The following DAGLB variants were observed in gnomAD, a reference collection of about 807,000 sequenced individuals.
DAGLB encodes diacylglycerol lipase beta.
A neutral mutation model predicts 72.1 loss-of-function variants in DAGLB; 66 were observed. The observed-to-expected ratio is 0.92, with a 90% CI of 0.75 to 1.12. DAGLB has a LOEUF of 1.12. Ranked by LOEUF, DAGLB falls within the 50% of genes most tolerant of loss-of-function variation. DAGLB has a pLI of 0.00. For synonymous variants in DAGLB, 414 were observed against 359.5 expected (o/e 1.15, Z -1.71); for missense variants, 1,065 against 884.9 (o/e 1.20, Z -2.58).
At position 6,435,057 on chromosome 7, in the gene DAGLB, G is replaced by A. The variant is rs190905046; in HGVS notation, c.420-37C>T. On this transcript the variant is annotated intron_variant, in intron 3 of 14. Coordinates refer to ENST00000297056, the MANE Select transcript of DAGLB (RefSeq NM_139179.4). ...AGAGAGGAAAAGGCTCGGTGACTGC[G>A]GGCCCCAGCCCAGACGCAGATGTCC... 119 of 1,604,864 alleles carry A rather than the reference G, an allele frequency of 7.4e-5. 4 individuals carry two copies. The highest frequency in any genetic ancestry group is 5.7e-4 in the African/African-American group (43 of 74,784).
intron 2 of DAGLB, among the ~76,000 whole-genome samples, chr7:6,441,900 C>A (rs1269743779): frequency 1.3e-5 from 2 of 152,134 alleles, no homozygotes; most frequent in African/African-American, 4.8e-5. Flanking sequence ...CGACTGAGTG[C>A]AGAAGCAAGA....
intron 13 of DAGLB, among the ~76,000 whole-genome samples, chr7:6,412,260 ACATATATCAC>A (rs1783754037): frequency 6.6e-6 from 1 of 152,150 alleles, no homozygotes; most frequent in Non-Finnish European, 1.5e-5. Context: ...CTTGACGTGG[ACATATATCAC>A]CATTTTAATA....
At chr7:6,412,918 T>TG in intron 12 of DAGLB, 35 bp from the exon 13 acceptor site, 1 of 1,612,482 alleles carries the variant, frequency 6.2e-7, no homozygotes, top group Non-Finnish European at 8.5e-7. Flanking sequence ...GGCTGGGACC[T>TG]GGCACTCCCA....
At position 6,409,815 on chromosome 7, in the gene DAGLB, G is replaced by A; in HGVS notation, c.*22C>T. 3.7e-6 allele frequency: 6 copies of A among 1,609,968 alleles called. No homozygotes were observed. Among genetic ancestry groups the A allele is most frequent in the Non-Finnish European group, 5.1e-6 (6 of 1,177,836 alleles). ...CAAAAGCGTGAGTCCATCGTTCCTG[G>A]GACAGTTTCCAGTGGCCCTGGTCAG... is the stretch of plus-strand genomic sequence containing the variant. On this transcript the variant is annotated 3_prime_UTR_variant, in exon 15 of 15. Transcript: ENST00000297056.
At chr7:6,418,821 C>T (rs1419200989) in intron 9 of DAGLB, among the ~76,000 whole-genome samples, 5 of 152,052 alleles carry the variant, frequency 3.3e-5, no homozygotes, top group Middle Eastern at 3.2e-3. Flanking sequence ...CCCGCCACCA[C>T]GCCCGGCTAA....
At position 6,430,560 on chromosome 7, in the gene DAGLB, C is replaced by G. The variant is rs542591056; in HGVS notation, c.849G>C (p.Gln283His). ...AELENCHHYM[Q>H]FAAAAYGWPL... ...GCCACCCATAGGCCGCTGCTGCAAACTGCATGTAATGATGGCAGTTTTCTA... is the reference window on the plus strand; with the variant it reads ...GCCACCCATAGGCCGCTGCTGCAAAGTGCATGTAATGATGGCAGTTTTCTA... Residue 283 changes from glutamine (Q) to histidine (H), a missense_variant, in exon 6 of 15, where the codon CAG becomes CAC. By Grantham distance (24) the Gln-to-His change is conservative. Transcript: ENST00000297056. The G allele has an allele frequency of 1.2e-6, 2 of 1,603,934 alleles. No individual in the cohort carries two copies. The highest frequency in any genetic ancestry group is 1.7e-6 in the Non-Finnish European group (2 of 1,173,238).
At chr7:6,440,324 C>A (rs919517718) in intron 2 of DAGLB, among the ~76,000 whole-genome samples, 1 of 151,220 alleles carries the variant, frequency 6.6e-6, no homozygotes, top group Non-Finnish European at 1.5e-5. Context: ...GCGGAGGTTG[C>A]GGTGAGCCGA....
intron 4 of DAGLB, among the ~76,000 whole-genome samples, chr7:6,433,568 G>T (rs960548643): frequency 6.6e-6 from 1 of 152,168 alleles, no homozygotes; most frequent in Non-Finnish European, 1.5e-5. Flanking sequence ...TGCCAGGTGC[G>T]ATGACTCACG....
intron 11 of DAGLB, among the ~76,000 whole-genome samples, chr7:6,414,143 T>C (rs924996673): frequency 7.2e-5 from 11 of 152,038 alleles, no homozygotes; most frequent in Non-Finnish European, 1.5e-4. Flanking sequence ...CCCAAGCAGC[T>C]GGGACTACAG....
At position 6,430,616 on chromosome 7, in the gene DAGLB, G is replaced by C; in HGVS notation, c.802-9C>G. On this transcript the variant is annotated splice_polypyrimidine_tract_variant and intron_variant, in intron 5 of 14. Coordinates refer to ENST00000297056, the MANE Select transcript of DAGLB (RefSeq NM_139179.4). ...GCATCCAGATCAGCTTCCTACAAGA[G>C]AAGGACAAAAACTACTGTTTATTAA... The C allele has an allele frequency of 6.3e-7, 1 of 1,579,460 alleles. No homozygotes were observed. Among genetic ancestry groups the C allele is most frequent in the Non-Finnish European group, 8.6e-7 (1 of 1,158,566 alleles).
chr7:6,411,432 G>A (rs977057531), intron 13 of DAGLB, among the ~76,000 whole-genome samples: 42 of 152,302 alleles, frequency 2.8e-4, no homozygotes, highest in African/African-American at 9.1e-4. Context: ...GACCAGCCTG[G>A]GCAACATGGT....
chr7:6,409,170 T>C lies in DAGLB; in HGVS notation c.*667A>G, dbSNP rs952433818. ...TTATTGTTTCAACTCCTGAATCCAC[T>C]GGCCGACCCCAGAGCCAGAAGAGTA... On this transcript the variant is annotated 3_prime_UTR_variant, in exon 15 of 15. Transcript: ENST00000297056. 1 of 153,908 alleles carries C rather than the reference T, an allele frequency of 6.5e-6. No individual in the cohort carries two copies. Among genetic ancestry groups the C allele is most frequent in the Admixed American group, 6.4e-5 (1 of 15,574 alleles). The allele number at this position is 153,908 out of a possible 1,614,324, so 9.5% of individuals were successfully genotyped here. A position where few individuals can be genotyped will look rare whatever the true frequency, so the allele number is the denominator to read the frequency against.
At chr7:6,437,382 A>G (rs1287079489) in intron 2 of DAGLB, among the ~76,000 whole-genome samples, 1 of 152,112 alleles carries the variant, frequency 6.6e-6, no homozygotes, top group East Asian at 1.9e-4. Flanking sequence ...TGGGTTAGTC[A>G]TTATCTCATT....
chr7:6,439,904 T>C (rs1469591917), intron 2 of DAGLB, among the ~76,000 whole-genome samples: 1 of 150,332 alleles, frequency 6.7e-6, no homozygotes, highest in Non-Finnish European at 1.5e-5. Flanking sequence ...ATACAAAAAT[T>C]AGCCAGGCAT....
intron 8 of DAGLB, 23 bp from the exon 9 acceptor site, chr7:6,421,827 G>T (rs747499056): frequency 1.2e-6 from 2 of 1,610,462 alleles, no homozygotes; most frequent in Non-Finnish European, 1.7e-6. Flanking sequence ...CGTTGCAGAA[G>T]CGGCCGTCAG....
In DAGLB at chr7:6,419,523, G is replaced by A. The variant is rs548847762; in HGVS notation, c.1218+2204C>T. Among the ~76,000 whole-genome samples the A allele has an allele frequency of 4.6e-5, 7 of 152,298 alleles. No homozygotes were observed. The South Asian group carries it at 8.3e-4, about 18-fold the overall frequency. On this transcript the variant is annotated intron_variant, in intron 9 of 14. Transcript: ENST00000297056. ...CACACAGGTTTGGAGTCCAATTACC[G>A]TGGACAGCGTCAGAGCCAAACTCAG... is the stretch of plus-strand genomic sequence containing the variant.
At chr7:6,425,872 G>T in intron 7 of DAGLB, 116 bp downstream of exon 7, 2 of 1,517,880 alleles carry the variant, frequency 1.3e-6, no homozygotes, top group South Asian at 1.2e-5. Flanking sequence ...ACAGGACTTA[G>T]AAGTGTGTTT....
chr7:6,431,208 CA>C (rs1219835686), intron 5 of DAGLB, among the ~76,000 whole-genome samples: 2 of 151,910 alleles, frequency 1.3e-5, no homozygotes, highest in African/African-American at 4.8e-5. Flanking sequence ...AGTACATTTC[CA>C]TGCCACTGCC....
At chr7:6,415,759 C>T (rs376579545) in intron 11 of DAGLB, among the ~76,000 whole-genome samples, 4 of 151,288 alleles carry the variant, frequency 2.6e-5, no homozygotes, top group South Asian at 2.1e-4. Context: ...GCAGGAGAAT[C>T]GCTTGAAGCT....
Sources: gnomAD v4.1 joint callset for allele counts (sites outside exome capture counted in the v4.1 genomes callset) on GRCh38, gnomAD v4.1.1 for gene constraint, MANE v1.5 for transcripts, NCBI Gene and HGNC (gene_info 2026-07-23, HGNC 2026-07-21) for gene names.